The following GBE1 variants were observed in gnomAD, a reference collection of about 807,000 sequenced individuals.
GBE1 encodes 1,4-alpha-glucan-branching enzyme.
Under a neutral mutation model 88.8 loss-of-function variants are expected in GBE1, and 70 were observed. The observed-to-expected ratio is 0.79, with a 90% confidence interval of 0.65 to 0.96. GBE1 has a LOEUF of 0.96. Ranked by LOEUF, GBE1 falls within the 40% of genes least tolerant of loss-of-function variation. The pLI is 0.00. For synonymous variants in GBE1, 284 were observed against 300.1 expected (o/e 0.95, Z 0.56); for missense variants, 872 against 871.0 (o/e 1.00, Z -0.01).
At chr3:81,728,142 G>C (rs1706137782) in intron 1 of GBE1, among the ~76,000 whole-genome samples, 1 of 151,844 alleles carries the variant, frequency 6.6e-6, no homozygotes, top group Non-Finnish European at 1.5e-5. Context: ...ATAATACTGA[G>C]GGTAAAAAAA....
intron 12 of GBE1, among the ~76,000 whole-genome samples, chr3:81,575,784 A>C (rs930789897): frequency 6.6e-6 from 1 of 152,182 alleles, no homozygotes; most frequent in African/African-American, 2.4e-5. Flanking sequence ...GCAGCTAATG[A>C]ACTAATGCTA....
At chr3:81,638,887 G>A (rs1007658729) in intron 7 of GBE1, among the ~76,000 whole-genome samples, 1 of 152,080 alleles carries the variant, frequency 6.6e-6, no homozygotes, top group Admixed American at 6.6e-5. Flanking sequence ...CTCTACAGAA[G>A]CAATTCTATA....
intron 1 of GBE1, among the ~76,000 whole-genome samples, chr3:81,750,557 ATATATG>A (rs1706487307): frequency 2.3e-5 from 2 of 85,462 alleles, no homozygotes; most frequent in African/African-American, 1.2e-4. Flanking sequence ...ATATGTATAT[ATATATG>A]TATATATATA....
chr3:81,525,499 T>C (rs1339411325), intron 14 of GBE1, among the ~76,000 whole-genome samples: 3 of 152,076 alleles, frequency 2.0e-5, no homozygotes, highest in African/African-American at 7.2e-5. Context: ...TCTCTTTTAT[T>C]TGTTGTGTCT....
At chr3:81,567,444 T>A (rs370861090) in intron 12 of GBE1, among the ~76,000 whole-genome samples, 38 of 152,346 alleles carry the variant, frequency 2.5e-4, no homozygotes, top group African/African-American at 8.4e-4. Context: ...GAAATACCAA[T>A]TTTATTTATC....
intron 1 of GBE1, among the ~76,000 whole-genome samples, chr3:81,709,577 G>C (rs3821548): frequency 0.39 from 58,788 of 151,868 alleles, 11,743 homozygotes; most frequent in East Asian, 0.52. Context: ...TTTCAATGTT[G>C]GTATCATACC....
intron 12 of GBE1, among the ~76,000 whole-genome samples, chr3:81,564,266 CAG>C (rs1311188188): frequency 6.6e-6 from 1 of 152,078 alleles, no homozygotes; most frequent in East Asian, 1.9e-4. Flanking sequence ...GGATGAAAAA[CAG>C]AGAATATCTG....
At chr3:81,695,354 C>T (rs1705576034) in intron 2 of GBE1, among the ~76,000 whole-genome samples, 1 of 152,140 alleles carries the variant, frequency 6.6e-6, no homozygotes, top group South Asian at 2.1e-4. Flanking sequence ...AACAGATGAA[C>T]TTTAAAAATA....
rs553576235 is a variant in GBE1 at position 81,675,014 on chromosome 3, T to G, written c.314-4061A>C. On this transcript the variant is annotated intron_variant, in intron 2 of 15. Transcript: ENST00000429644. Reference sequence around the variant, plus strand: ...CACATGGATTTGTTAAAATACAGATTGCTGGGTCCCAGTCCTAGAGTTTTT... The same window carrying G: ...CACATGGATTTGTTAAAATACAGATGGCTGGGTCCCAGTCCTAGAGTTTTT... Among the ~76,000 whole-genome samples, 3 of 152,098 alleles carry G rather than the reference T, an allele frequency of 2.0e-5. No homozygotes were observed. The East Asian group carries it at 5.8e-4, about 29-fold the overall frequency.
At chr3:81,748,560 G>A (rs540550583) in intron 1 of GBE1, among the ~76,000 whole-genome samples, 4 of 152,078 alleles carry the variant, frequency 2.6e-5, no homozygotes, top group South Asian at 4.2e-4. Context: ...GCAGTGAGCC[G>A]AGACCGCGCC....
intron 6 of GBE1, among the ~76,000 whole-genome samples, chr3:81,644,338 T>C (rs11710970): frequency 0.39 from 59,805 of 151,952 alleles, 12,391 homozygotes; most frequent in African/African-American, 0.52. Flanking sequence ...TAAAGTTTCA[T>C]GGAAAAGGCA....
chr3:81,588,485 CA>C (rs1703830308), intron 9 of GBE1, among the ~76,000 whole-genome samples: 2 of 152,066 alleles, frequency 1.3e-5, no homozygotes, highest in African/African-American at 2.4e-5. Context: ...TATCCAGTCC[CA>C]ATGTTGTTTT....
intron 2 of GBE1, among the ~76,000 whole-genome samples, chr3:81,690,441 T>C (rs1035009366): frequency 2.0e-5 from 3 of 152,200 alleles, no homozygotes; most frequent in Non-Finnish European, 4.4e-5. Flanking sequence ...TGTCCAGCTC[T>C]GGTACTGGAT....
chr3:81,539,680 A>G (rs1703119683), intron 12 of GBE1, among the ~76,000 whole-genome samples: 1 of 152,016 alleles, frequency 6.6e-6, no homozygotes, highest in Admixed American at 6.6e-5. Flanking sequence ...AGACTGACTG[A>G]ATGGCGACAG....
In GBE1 at chr3:81,489,879, A is replaced by G. The variant is rs1213319997; in HGVS notation, c.*528T>C. ...GATGAGTTCATACGTAATGGCTTTT[A>G]TATTACCTTGGATATAATTCTTTAT... On this transcript the variant is annotated 3_prime_UTR_variant, in exon 16 of 16. Coordinates refer to ENST00000429644, the MANE Select transcript of GBE1 (RefSeq NM_000158.4). 1 of 152,528 alleles carries G rather than the reference A, an allele frequency of 6.6e-6. No individual in the cohort carries two copies. Among genetic ancestry groups the G allele is most frequent in the Non-Finnish European group, 1.5e-5 (1 of 68,306 alleles). 9.4% of individuals were successfully genotyped at this position (152,528 alleles called of 1,614,324 possible).
In GBE1 at chr3:81,507,415, T is replaced by A. The variant is rs182808845; in HGVS notation, c.1935-8188A>T. 3.5e-3 allele frequency among the ~76,000 whole-genome samples: 538 copies of A among 151,908 alleles called. 4 individuals carry two copies. Among genetic ancestry groups the A allele is most frequent in the African/African-American group, 0.012 (506 of 41,404 alleles). Reference sequence around the variant, plus strand: ...CTGTCTCTACTAAAAATACAAAAAATTAGCCAGGTGTGGTGGCGGGCACCT... The same window carrying A: ...CTGTCTCTACTAAAAATACAAAAAAATAGCCAGGTGTGGTGGCGGGCACCT... On this transcript the variant is annotated intron_variant, in intron 14 of 15. Transcript: ENST00000429644.
chr3:81,756,156 C>T (rs930626481), intron 1 of GBE1, among the ~76,000 whole-genome samples: 1 of 152,122 alleles, frequency 6.6e-6, no homozygotes, highest in African/African-American at 2.4e-5. Context: ...ACTGACTATT[C>T]CTTCAGAGAT....
chr3:81,741,983 C>T (rs919643200), intron 1 of GBE1, among the ~76,000 whole-genome samples: 4 of 151,398 alleles, frequency 2.6e-5, no homozygotes, highest in Non-Finnish European at 5.9e-5. Context: ...ATTTCAAAAC[C>T]TACCTCAATG....
intron 7 of GBE1, 92 bp downstream of exon 7, chr3:81,642,687 TGA>T: frequency 1.3e-6 from 1 of 795,574 alleles, no homozygotes; most frequent in Non-Finnish European, 2.1e-6. Context: ...TAAGTACCAG[TGA>T]GAGAGTACAC....
Sources: allele counts gnomAD v4.1 joint callset (sites outside exome capture counted in the v4.1 genomes callset), GRCh38; gene constraint gnomAD v4.1.1; transcripts MANE v1.5; gene names NCBI Gene and HGNC (gene_info 2026-07-23, HGNC 2026-07-21).